Variants in CLMP observed in about 807,000 individuals in gnomAD.
The protein encoded by CLMP is CXADR-like membrane protein.
A neutral mutation model predicts 45.2 loss-of-function variants in CLMP; 27 were observed. The observed-to-expected ratio is 0.60, with a 90% CI of 0.44 to 0.82. The LOEUF is 0.82. Among genes scored for constraint, CLMP ranks in the 40% least tolerant of loss-of-function variants. CLMP has a pLI of 0.00. For missense variants in CLMP, 403 were observed against 448.4 expected (o/e 0.90, Z 0.91); for synonymous variants, 167 against 171.4 (o/e 0.97, Z 0.20).
chr11:123,143,528 G>T (rs1015069782), intron 1 of CLMP, among the ~76,000 whole-genome samples: 1 of 151,774 alleles, frequency 6.6e-6, no homozygotes. Flanking sequence ...GGGCGGGGGG[G>T]GCATGAGACA....
chr11:123,194,476 C>G (rs1234294160), intron 1 of CLMP, among the ~76,000 whole-genome samples: 2 of 152,122 alleles, frequency 1.3e-5, no homozygotes, highest in Non-Finnish European at 2.9e-5. Flanking sequence ...CCTCTCCAAC[C>G]CTGCCTATCC....
chr11:123,185,245 T>C (rs2135550271), intron 1 of CLMP, among the ~76,000 whole-genome samples: 1 of 151,768 alleles, frequency 6.6e-6, no homozygotes, highest in African/African-American at 2.4e-5. Flanking sequence ...CAGTGAGAAT[T>C]TGGGAGAGTT....
At chr11:123,165,915 A>C (rs994301248) in intron 1 of CLMP, among the ~76,000 whole-genome samples, 6 of 152,214 alleles carry the variant, frequency 3.9e-5, no homozygotes, top group Admixed American at 3.3e-4. Flanking sequence ...TTGGACTGTC[A>C]ACACTGTCAA....
At chr11:123,171,746 T>C (rs971627094) in intron 1 of CLMP, among the ~76,000 whole-genome samples, 1 of 151,918 alleles carries the variant, frequency 6.6e-6, no homozygotes, top group Non-Finnish European at 1.5e-5. Context: ...GCTCGGCCTG[T>C]TGGAAGACTG....
chr11:123,090,319 T>C (rs981578154), intron 2 of CLMP, among the ~76,000 whole-genome samples: 1 of 147,924 alleles, frequency 6.8e-6, no homozygotes, highest in East Asian at 2.0e-4. Flanking sequence ...CTGGGCGTGG[T>C]GGCATGCACC....
At chr11:123,134,220 AC>A (rs1861034576) in intron 1 of CLMP, among the ~76,000 whole-genome samples, 1 of 151,708 alleles carries the variant, frequency 6.6e-6, no homozygotes, top group Non-Finnish European at 1.5e-5. Flanking sequence ...AGATCTCGCC[AC>A]TGCACTCCAG....
intron 1 of CLMP, among the ~76,000 whole-genome samples, chr11:123,191,920 C>T (rs1050240501): frequency 1.1e-4 from 17 of 152,094 alleles, no homozygotes; most frequent in Admixed American, 1.1e-3. Flanking sequence ...TACAAAGTAG[C>T]ATAAGAGGAA....
intron 6 of CLMP, among the ~76,000 whole-genome samples, chr11:123,074,294 C>T (rs1865709433): frequency 6.6e-6 from 1 of 151,620 alleles, no homozygotes; most frequent in African/African-American, 2.4e-5. Context: ...CCTGTCTCAG[C>T]CTCCTGAGTA....
intron 1 of CLMP, among the ~76,000 whole-genome samples, chr11:123,118,026 G>A (rs953783441): frequency 1.3e-5 from 2 of 152,168 alleles, no homozygotes; most frequent in Non-Finnish European, 2.9e-5. Context: ...TCTTATGAAT[G>A]TGTTCATGGA....
Position 123,070,604 on chromosome 11 carries a change from A to G in CLMP, c.*2870T>C, listed in dbSNP as rs1207305781. On this transcript the variant is annotated 3_prime_UTR_variant, in exon 7 of 7. Coordinates refer to ENST00000448775, the MANE Select transcript of CLMP (RefSeq NM_024769.5). ...ACCTTAGGTTCAAAGGTAGTAAATA[A>G]TGATGAGCAAATTGCTAGTGATGAT... 2 of 152,216 alleles carry G rather than the reference A, an allele frequency of 1.3e-5. No individual in the cohort carries two copies. The highest frequency in any genetic ancestry group is 2.9e-5 in the Non-Finnish European group (2 of 68,036). 9.4% of individuals were successfully genotyped at this position (152,216 alleles called of 1,614,324 possible).
chr11:123,081,552 T>C (rs1865803661), intron 5 of CLMP, among the ~76,000 whole-genome samples: 1 of 152,156 alleles, frequency 6.6e-6, no homozygotes, highest in South Asian at 2.1e-4. Flanking sequence ...TGTAAGTAAA[T>C]GTGTTCATTT....
At chr11:123,181,467 T>G (rs1486516446) in intron 1 of CLMP, among the ~76,000 whole-genome samples, 2 of 152,236 alleles carry the variant, frequency 1.3e-5, no homozygotes. Flanking sequence ...GTTAAGTTCT[T>G]CCATCTCCCT....
At chr11:123,086,377 G>A (rs1179973887) in intron 2 of CLMP, among the ~76,000 whole-genome samples, 2 of 152,212 alleles carry the variant, frequency 1.3e-5, no homozygotes, top group Non-Finnish European at 2.9e-5. Flanking sequence ...AAAAGGCCTG[G>A]AGGGAGCATT....
chr11:123,094,685 C>T (rs1865970167), intron 2 of CLMP, among the ~76,000 whole-genome samples: 2 of 152,234 alleles, frequency 1.3e-5, no homozygotes, highest in South Asian at 4.1e-4. Flanking sequence ...GCACAAGCTA[C>T]TGCAACTGGC....
At chr11:123,121,415 A>G (rs1038581321) in intron 1 of CLMP, among the ~76,000 whole-genome samples, 1 of 152,108 alleles carries the variant, frequency 6.6e-6, no homozygotes, top group African/African-American at 2.4e-5. Flanking sequence ...CTCCTGCCTC[A>G]GCCTCCTGAG....
chr11:123,082,692 C>G (rs1865819968), intron 5 of CLMP, among the ~76,000 whole-genome samples: 1 of 151,096 alleles, frequency 6.6e-6, no homozygotes, highest in Non-Finnish European at 1.5e-5. Flanking sequence ...CTCACTGCAA[C>G]CTCCGCCTCC....
chr11:123,104,918 G>C (rs1449062978), intron 1 of CLMP, among the ~76,000 whole-genome samples: 1 of 152,224 alleles, frequency 6.6e-6, no homozygotes. Context: ...ATTAGTGGCA[G>C]AATTGCAAGT....
chr11:123,080,187 T>C (rs959748913), intron 5 of CLMP, among the ~76,000 whole-genome samples: 10 of 152,172 alleles, frequency 6.6e-5, no homozygotes, highest in Admixed American at 6.6e-4. Flanking sequence ...TGATCTGAGA[T>C]CTAAGAGATC....
At chr11:123,079,117 T>A (rs1052815237) in intron 5 of CLMP, among the ~76,000 whole-genome samples, 1 of 152,128 alleles carries the variant, frequency 6.6e-6, no homozygotes, top group Non-Finnish European at 1.5e-5. Flanking sequence ...TACACAGTTA[T>A]CTTCACTTTT....
Sources: allele counts gnomAD v4.1 joint callset (sites outside exome capture counted in the v4.1 genomes callset), GRCh38; gene constraint gnomAD v4.1.1; transcripts MANE v1.5; gene names NCBI Gene and HGNC (gene_info 2026-07-23, HGNC 2026-07-21).